The following SORCS3 variants were observed in gnomAD, a reference collection of about 807,000 sequenced individuals.
The protein encoded by SORCS3 is VPS10 domain-containing receptor SorCS3.
Under a neutral mutation model 146.3 loss-of-function variants are expected in SORCS3, and 57 were observed. The ratio of observed to expected loss-of-function variants is 0.39; its 90% confidence interval spans 0.31 to 0.49. The LOEUF (loss-of-function observed/expected upper bound fraction) is 0.49, where lower values mean the gene tolerates loss of function less well. Among genes scored for constraint, SORCS3 ranks in the 20% least tolerant of loss-of-function variants. The pLI is 0.92. For synonymous variants in SORCS3, 653 were observed against 618.5 expected (o/e 1.06, Z -0.83); for missense variants, 1,341 against 1,575.5 (o/e 0.85, Z 2.52).
intron 2 of SORCS3, among the ~76,000 whole-genome samples, chr10:104,847,909 G>A (rs968488281): frequency 6.6e-6 from 1 of 151,902 alleles, no homozygotes; most frequent in African/African-American, 2.4e-5. Flanking sequence ...TATATGGAGA[G>A]TACGGATTCC....
rs568043453 is a variant in SORCS3 at position 105,263,634 on chromosome 10, T to A, written c.*260T>A. The A allele has an allele frequency of 5.9e-5, 26 of 441,890 alleles. No homozygotes were observed. The highest frequency in any genetic ancestry group is 4.8e-4 in the Admixed American group (13 of 27,184). 27.4% of individuals were successfully genotyped at this position (441,890 alleles called of 1,614,324 possible). ...ACAGCCTCCTCGCTTTACTCTGCCA[T>A]TGGTAGCTTAAAGACTTTCTTTTTC... is the stretch of plus-strand genomic sequence containing the variant. On this transcript the variant is annotated 3_prime_UTR_variant, in exon 27 of 27. Transcript: ENST00000369701.
intron 13 of SORCS3, 64 bp downstream of exon 13, chr10:105,167,413 A>T (rs1053736243): frequency 3.3e-6 from 4 of 1,201,442 alleles, no homozygotes; most frequent in South Asian, 1.3e-5. Flanking sequence ...GAGGATTGTG[A>T]TGAGTTATTC....
At chr10:104,935,695 T>C (rs1185023827) in intron 3 of SORCS3, among the ~76,000 whole-genome samples, 3 of 151,978 alleles carry the variant, frequency 2.0e-5, no homozygotes, top group Non-Finnish European at 4.4e-5. Flanking sequence ...GGAAGCTATA[T>C]TGAAGCAGAG....
At chr10:105,040,894 T>A (rs992028739) in intron 4 of SORCS3, among the ~76,000 whole-genome samples, 2 of 151,462 alleles carry the variant, frequency 1.3e-5, no homozygotes, top group Non-Finnish European at 2.9e-5. Context: ...TGTATATATT[T>A]TCTGTATAGT....
At chr10:104,652,125 AG>A (rs1157576747) in intron 1 of SORCS3, among the ~76,000 whole-genome samples, 3 of 151,572 alleles carry the variant, frequency 2.0e-5, no homozygotes, top group Non-Finnish European at 4.4e-5. Flanking sequence ...GTAAGGAGAG[AG>A]CCTGCAAGTA....
At chr10:104,994,685 T>G (rs913323738) in intron 4 of SORCS3, among the ~76,000 whole-genome samples, 6 of 152,210 alleles carry the variant, frequency 3.9e-5, no homozygotes, top group African/African-American at 1.4e-4. Flanking sequence ...CTCTAGAATT[T>G]CATATAAAGG....
chr10:104,689,554 T>A (rs955827561), intron 1 of SORCS3, among the ~76,000 whole-genome samples: 7 of 152,206 alleles, frequency 4.6e-5, no homozygotes, highest in Non-Finnish European at 1.0e-4. Flanking sequence ...GATCTCAGCT[T>A]AAATGTCACC....
At chr10:104,923,757 C>T (rs781224950) in intron 3 of SORCS3, among the ~76,000 whole-genome samples, 28 of 152,174 alleles carry the variant, frequency 1.8e-4, no homozygotes, top group Non-Finnish European at 2.9e-4. Flanking sequence ...CCTCTGTGAG[C>T]CTTTCTTTTT....
At chr10:105,043,744 T>TC (rs150353153) in intron 5 of SORCS3, among the ~76,000 whole-genome samples, 3,238 of 152,264 alleles carry the variant, frequency 0.021, 52 homozygotes, top group South Asian at 0.062. Context: ...TTTTCTCATG[T>TC]CACATGTGAT....
intron 1 of SORCS3, among the ~76,000 whole-genome samples, chr10:104,805,641 C>CTGG (rs1474615039): frequency 6.6e-6 from 1 of 152,078 alleles, no homozygotes; most frequent in African/African-American, 2.4e-5. Context: ...CCAGTTGTAA[C>CTGG]TACTCTTCTT....
rs931522999 is a variant in SORCS3 at position 104,923,472 on chromosome 10, C to G, written c.795+7540C>G. On this transcript the variant is annotated intron_variant, in intron 3 of 26. Coordinates refer to ENST00000369701, the MANE Select transcript of SORCS3 (RefSeq NM_014978.3). ...GGTGGGTCCCTGAAACACACTGGCT[C>G]TGCTGGTAGAAGTCAGAGCAGCAGC... is the stretch of plus-strand genomic sequence containing the variant. Among the ~76,000 whole-genome samples the G allele has an allele frequency of 2.0e-5, 3 of 152,232 alleles. No individual in the cohort carries two copies. The East Asian group carries it at 5.8e-4, about 29-fold the overall frequency.
intron 1 of SORCS3, among the ~76,000 whole-genome samples, chr10:104,795,620 G>A (rs2017545933): frequency 6.6e-6 from 1 of 152,108 alleles, no homozygotes; most frequent in South Asian, 2.1e-4. Context: ...CGGCATTCCT[G>A]CCTTGTCACT....
intron 4 of SORCS3, among the ~76,000 whole-genome samples, chr10:104,982,504 C>A (rs1266003599): frequency 6.6e-6 from 1 of 152,162 alleles, no homozygotes; most frequent in East Asian, 1.9e-4. Context: ...CTAGGGATGA[C>A]CATGGCTTTG....
At chr10:104,666,509 A>C (rs543404307) in intron 1 of SORCS3, among the ~76,000 whole-genome samples, 2 of 152,320 alleles carry the variant, frequency 1.3e-5, no homozygotes, top group East Asian at 3.9e-4. Flanking sequence ...TATCTAGCAT[A>C]AGGAGGAAGA....
intron 1 of SORCS3, among the ~76,000 whole-genome samples, chr10:104,719,964 C>G (rs924335198): frequency 1.3e-5 from 2 of 150,502 alleles, no homozygotes; most frequent in Non-Finnish European, 3.0e-5. Flanking sequence ...GCCAGGTGAG[C>G]TTTCTGCTCA....
intron 13 of SORCS3, among the ~76,000 whole-genome samples, chr10:105,176,651 C>T (rs188238534): frequency 2.3e-3 from 349 of 152,026 alleles, no homozygotes; most frequent in African/African-American, 7.6e-3. Context: ...GCCAGAAGAT[C>T]GAGACCATCC....
At chr10:105,177,948 A>ATTTTAAATTGAATTGAAGATTTAAT in intron 13 of SORCS3, 118 bp from the exon 14 acceptor site, 1 of 709,132 alleles carries the variant, frequency 1.4e-6, no homozygotes, top group Non-Finnish European at 2.5e-6. Context: ...AAACCTATTG[A>ATTTTAAATTGAATTGAAGATTTAAT]TAATCCACAC....
chr10:105,109,996 C>T (rs2055848995), intron 7 of SORCS3, among the ~76,000 whole-genome samples: 3 of 151,066 alleles, frequency 2.0e-5, no homozygotes, highest in South Asian at 4.2e-4. Context: ...GTTTTGGTTC[C>T]TTTCTTCCAG....
chr10:105,017,480 A>G (rs2055175076), intron 4 of SORCS3, among the ~76,000 whole-genome samples: 1 of 152,206 alleles, frequency 6.6e-6, no homozygotes, highest in African/African-American at 2.4e-5. Flanking sequence ...AGCATAGGAT[A>G]TGGTTAAAAC....
Sources: gnomAD v4.1 joint callset for allele counts (sites outside exome capture counted in the v4.1 genomes callset) on GRCh38, gnomAD v4.1.1 for gene constraint, MANE v1.5 for transcripts, NCBI Gene and HGNC (gene_info 2026-07-23, HGNC 2026-07-21) for gene names.